The following TOP1 variants were observed in gnomAD, a reference collection of about 807,000 sequenced individuals.
TOP1 encodes DNA topoisomerase 1.
Under a neutral mutation model 111.1 loss-of-function variants are expected in TOP1, and 10 were observed. The ratio of observed to expected loss-of-function variants is 0.09; its 90% CI spans 0.06 to 0.15. The LOEUF (loss-of-function observed/expected upper bound fraction) is 0.15. Ranked by LOEUF, TOP1 falls within the 10% of genes least tolerant of loss-of-function variation. The probability of loss-of-function intolerance (pLI) is 1.00; values close to 1 mark genes in which losing one functional copy is unlikely to be tolerated. For missense variants in TOP1, 474 were observed against 926.7 expected (o/e 0.51, Z 6.34); for synonymous variants, 271 against 302.9 (o/e 0.89, Z 1.10).
In TOP1 at chr20:41,058,004, T is replaced by G. The variant is rs1186521577; in HGVS notation, c.59-3390T>G. ...AACTTAGCATTTTAAAATTATAGAC[T>G]CGAGGTTTTTAGAAGAAGCTGAAGG... On this transcript the variant is annotated intron_variant, in intron 2 of 20. Coordinates refer to ENST00000361337, the MANE Select transcript of TOP1 (RefSeq NM_003286.4). This position sits in a 1 kb window ranked among gnomAD's most constrained non-coding sequence, Gnocchi z 4.2. Among the ~76,000 whole-genome samples the G allele has an allele frequency of 6.6e-6, 1 of 152,208 alleles. No individual in the cohort carries two copies. The highest frequency in any genetic ancestry group is 1.5e-5 in the Non-Finnish European group (1 of 68,042).
At chr20:41,074,391 A>C (rs752405484) in intron 3 of TOP1, among the ~76,000 whole-genome samples, 1 of 152,206 alleles carries the variant, frequency 6.6e-6, no homozygotes, top group Non-Finnish European at 1.5e-5. Flanking sequence ...CCTCCTATAG[A>C]AACTTGTTAT....
At chr20:41,042,840 T>C (rs1374262506) in intron 2 of TOP1, among the ~76,000 whole-genome samples, 4 of 152,162 alleles carry the variant, frequency 2.6e-5, no homozygotes, top group Admixed American at 2.0e-4. Context: ...CACAATAAAG[T>C]AAGCTAGAGA....
At position 41,065,550 on chromosome 20, in the gene TOP1, TCC is replaced by T. The variant is rs2033596803; in HGVS notation, c.155+4063_155+4064del. ...ACTAAATAATAACTTTTCATTCTGT[TCC>T]CCTGTCCCAATATCTTTCTACTTTG... On this transcript the variant is annotated intron_variant, in intron 3 of 20. Coordinates refer to ENST00000361337, the MANE Select transcript of TOP1 (RefSeq NM_003286.4). Among the ~76,000 whole-genome samples the T allele has an allele frequency of 2.0e-5, 3 of 152,294 alleles. No individual in the cohort carries two copies. The South Asian group carries it at 6.2e-4, about 32-fold the overall frequency.
In TOP1 at chr20:41,028,853, T is replaced by A. The variant is rs908826201; in HGVS notation, c.-215T>A. 5.5e-6 allele frequency: 3 copies of A among 547,462 alleles called. No homozygotes were observed. Among genetic ancestry groups the A allele is most frequent in the Non-Finnish European group, 9.6e-6 (3 of 311,454 alleles). The allele number at this position is 547,462 out of a possible 1,614,324, so 33.9% of individuals were successfully genotyped here. On this transcript the variant is annotated 5_prime_UTR_variant, in exon 1 of 21. Coordinates refer to ENST00000361337, the MANE Select transcript of TOP1 (RefSeq NM_003286.4). The stretch of plus-strand genomic sequence containing the variant: ...CGAACTTAGGCTGTTACACAACTGC[T>A]GGGGTCTGTTCTCGCCGCCCGCCCG...
Position 41,112,675 on chromosome 20 carries a change from T to C in TOP1, c.1309-107T>C. 8.0e-7 allele frequency: 1 copy of C among 1,253,660 alleles called. No individual in the cohort carries two copies. The highest frequency in any genetic ancestry group is 1.1e-6 in the Non-Finnish European group (1 of 895,612). The allele number at this position is 1,253,660 out of a possible 1,614,324, so 77.7% of individuals were successfully genotyped here. ...AATTCTTGTGTCTTAGCCTCCCTATTAGCTAGCTGGGATTATAGGCTTGCG... is the reference window on the plus strand; with the variant it reads ...AATTCTTGTGTCTTAGCCTCCCTATCAGCTAGCTGGGATTATAGGCTTGCG... On this transcript the variant is annotated intron_variant, in intron 13 of 20. Transcript: ENST00000361337. This position sits in a 1 kb window ranked among gnomAD's most constrained non-coding sequence, Gnocchi z 5.8.
rs2034063180 is a variant in TOP1 at position 41,101,448 on chromosome 20, A to G, written c.1308+95A>G. 7.5e-7 allele frequency: 1 copy of G among 1,333,226 alleles called. No individual in the cohort carries two copies. The allele number at this position is 1,333,226 out of a possible 1,614,324, so 82.6% of individuals were successfully genotyped here. A position where few individuals can be genotyped will look rare whatever the true frequency, so the allele number is the denominator to read the frequency against. ...CTCGTCCTCTAGAATCACTTTGACA[A>G]ATTAAAAATCCTCCCCATTGAAAGA... On this transcript the variant is annotated intron_variant, in intron 13 of 20. Coordinates refer to ENST00000361337, the MANE Select transcript of TOP1 (RefSeq NM_003286.4). This position sits in a 1 kb window ranked among gnomAD's most constrained non-coding sequence, Gnocchi z 4.1.
intron 14 of TOP1, 71 bp from the exon 15 acceptor site, chr20:41,113,899 A>AC: frequency 1.7e-6 from 2 of 1,202,046 alleles, no homozygotes; most frequent in Non-Finnish European, 1.1e-6. Context: ...AAAAAAAAAA[A>AC]CACAGAACGA....
At chr20:41,045,212 C>A (rs2033318740) in intron 2 of TOP1, among the ~76,000 whole-genome samples, 1 of 152,082 alleles carries the variant, frequency 6.6e-6, no homozygotes, top group South Asian at 2.1e-4. Context: ...TTGGACAGCT[C>A]TAGATAAAAT....
At chr20:41,111,139 T>C (rs769952852) in intron 13 of TOP1, among the ~76,000 whole-genome samples, 3 of 152,204 alleles carry the variant, frequency 2.0e-5, no homozygotes, top group South Asian at 2.1e-4. Context: ...CAGGCTTTGG[T>C]AGTCCATGTG....
chr20:41,075,749 A>C (rs930597861), intron 3 of TOP1, among the ~76,000 whole-genome samples: 1 of 152,316 alleles, frequency 6.6e-6, no homozygotes, highest in East Asian at 1.9e-4. Context: ...TTACTCCATA[A>C]ACCCTGGCTT....
At position 41,116,493 on chromosome 20, in the gene TOP1, C is replaced by T. The variant is rs1354608832; in HGVS notation, c.1822+101C>T. On this transcript the variant is annotated intron_variant, in intron 17 of 20. Coordinates refer to ENST00000361337, the MANE Select transcript of TOP1 (RefSeq NM_003286.4). The surrounding 1 kb of genome is among the most constrained non-coding windows in gnomAD (Gnocchi z 5.6). ...AGTCAGTTCTACTTTTTTTCCCTAC[C>T]ATTGTGGTCAGACACTTTTTCCCTT... 1 of 854,706 alleles carries T rather than the reference C, an allele frequency of 1.2e-6. No homozygotes were observed. Among genetic ancestry groups the T allele is most frequent in the Non-Finnish European group, 1.9e-6 (1 of 532,776 alleles). The allele number at this position is 854,706 out of a possible 1,614,324, so 52.9% of individuals were successfully genotyped here. A position where few individuals can be genotyped will look rare whatever the true frequency, so the allele number is the denominator to read the frequency against.
In TOP1 at chr20:41,061,599, A is replaced by G; in HGVS notation, c.155+109A>G. 1 of 926,368 alleles carries G rather than the reference A, an allele frequency of 1.1e-6. No individual in the cohort carries two copies. Among genetic ancestry groups the G allele is most frequent in the Non-Finnish European group, 1.6e-6 (1 of 611,190 alleles). The allele number at this position is 926,368 out of a possible 1,614,324, so 57.4% of individuals were successfully genotyped here. A position where few individuals can be genotyped will look rare whatever the true frequency, so the allele number is the denominator to read the frequency against. ...AGCTACATGTAAAGATAGCAAAGTA[A>G]GTAGAAACTGTATTTGATCCTAGAG... On this transcript the variant is annotated intron_variant, in intron 3 of 20. Transcript: ENST00000361337. This position sits in a 1 kb window ranked among gnomAD's most constrained non-coding sequence, Gnocchi z 4.6.
chr20:41,120,217 G>A (rs142900974), intron 18 of TOP1, among the ~76,000 whole-genome samples: 83 of 152,368 alleles, frequency 5.4e-4, no homozygotes, highest in Middle Eastern at 6.8e-3. Flanking sequence ...CTGGCTAGTG[G>A]TGTCTGTGAT....
chr20:41,112,268 C>G lies in TOP1; in HGVS notation c.1309-514C>G, dbSNP rs187812661. On this transcript the variant is annotated intron_variant, in intron 13 of 20. Coordinates refer to ENST00000361337, the MANE Select transcript of TOP1 (RefSeq NM_003286.4). This position sits in a 1 kb window ranked among gnomAD's most constrained non-coding sequence, Gnocchi z 5.8. ...AATGGAATTCAGTCCTGGTAGAAAA[C>G]TGCTATTGGGTCACAGAGTTGGCAG... Among the ~76,000 whole-genome samples, 1 of 152,294 alleles carries G rather than the reference C, an allele frequency of 6.6e-6. No individual in the cohort carries two copies. The highest frequency in any genetic ancestry group is 6.5e-5 in the Admixed American group (1 of 15,300).
intron 2 of TOP1, among the ~76,000 whole-genome samples, chr20:41,049,613 G>A (rs1477172322): frequency 3.9e-5 from 6 of 152,148 alleles, no homozygotes; most frequent in Middle Eastern, 3.2e-3. Flanking sequence ...CCTTTTCAAA[G>A]TTACTCAGTC....
intron 2 of TOP1, among the ~76,000 whole-genome samples, chr20:41,042,098 C>T (rs1333811841): frequency 2.6e-5 from 4 of 152,010 alleles, no homozygotes; most frequent in South Asian, 4.1e-4. Flanking sequence ...TTAGTGGAGA[C>T]GGAGTTTTGC....
At chr20:41,077,283 A>G (rs1256775528) in intron 4 of TOP1, among the ~76,000 whole-genome samples, 1 of 152,204 alleles carries the variant, frequency 6.6e-6, no homozygotes, top group East Asian at 1.9e-4. Context: ...CCAATGGCAA[A>G]TTCTTGAGTA....
chr20:41,030,056 A>G lies in TOP1; in HGVS notation c.58+601A>G, dbSNP rs1242718987. 6.6e-6 allele frequency among the ~76,000 whole-genome samples: 1 copy of G among 151,990 alleles called. No homozygotes were observed. The highest frequency in any genetic ancestry group is 1.5e-5 in the Non-Finnish European group (1 of 68,028). Reference sequence around the variant, plus strand: ...TTTTTTTTGATAGGCTGTTTATGATAGGAATTATGGCTCTAAAACTAAAGC... The same window carrying G: ...TTTTTTTTGATAGGCTGTTTATGATGGGAATTATGGCTCTAAAACTAAAGC... On this transcript the variant is annotated intron_variant, in intron 2 of 20. Coordinates refer to ENST00000361337, the MANE Select transcript of TOP1 (RefSeq NM_003286.4). The surrounding 1 kb of genome is among the most constrained non-coding windows in gnomAD (Gnocchi z 4.1).
chr20:41,084,351 T>C (rs2033822842), intron 7 of TOP1, 111 bp from the exon 8 acceptor site: 1 of 539,834 alleles, frequency 1.9e-6, no homozygotes, highest in Non-Finnish European at 3.3e-6. Flanking sequence ...AGATCTTCTT[T>C]AGTTCTAATA....
Sources: allele counts gnomAD v4.1 joint callset (sites outside exome capture counted in the v4.1 genomes callset), GRCh38; gene constraint gnomAD v4.1.1; non-coding constraint Gnocchi (gnomAD v3.1); transcripts MANE v1.5; gene names NCBI Gene and HGNC (gene_info 2026-07-23, HGNC 2026-07-21).